Variants in AXDND1 observed in about 807,000 individuals in gnomAD.
AXDND1 encodes axonemal dynein light chain domain-containing protein 1.
A neutral mutation model predicts 137.5 loss-of-function variants in AXDND1; 110 were observed. That is an observed-to-expected ratio of 0.80 (90% CI 0.69 to 0.94). AXDND1 has a LOEUF of 0.94. Ranked by LOEUF, AXDND1 falls within the 40% of genes least tolerant of loss-of-function variation. AXDND1 has a pLI of 0.00. For synonymous variants in AXDND1, 414 were observed against 399.7 expected, an observed-to-expected ratio of 1.04 and a Z score of -0.43; for missense variants, 1,191 against 1,169.8, an observed-to-expected ratio of 1.02 and a Z score of -0.26.
intron 16 of AXDND1, among the ~76,000 whole-genome samples, chr1:179,467,391 G>A (rs569325767): frequency 5.9e-5 from 9 of 152,136 alleles, no homozygotes; most frequent in African/African-American, 9.6e-5. Context: ...TCAAGCAACC[G>A]TGGATCAAAA....
At chr1:179,381,102 A>C (rs1429968575) in intron 6 of AXDND1, among the ~76,000 whole-genome samples, 1 of 134,682 alleles carries the variant, frequency 7.4e-6, no homozygotes, top group Non-Finnish European at 1.5e-5. Context: ...GTGCAATGGC[A>C]TGATCTCGGC....
chr1:179,514,196 A>G (rs558899798), intron 21 of AXDND1, among the ~76,000 whole-genome samples: 1 of 152,174 alleles, frequency 6.6e-6, no homozygotes, highest in African/African-American at 2.4e-5. Flanking sequence ...TCTTTTTGAT[A>G]TAGGCATTTA....
At chr1:179,414,498 C>T (rs1446633632) in intron 12 of AXDND1, among the ~76,000 whole-genome samples, 1 of 152,040 alleles carries the variant, frequency 6.6e-6, no homozygotes, top group East Asian at 1.9e-4. Context: ...GATCTCGGCT[C>T]ACTGCAGGCT....
chr1:179,527,604 A>G (rs1049951305), intron 22 of AXDND1, among the ~76,000 whole-genome samples: 2 of 152,146 alleles, frequency 1.3e-5, no homozygotes, highest in African/African-American at 4.8e-5. Context: ...AATAAAGTAC[A>G]CTATTCTTAG....
rs764614976 is a variant in AXDND1, at chr1:179,491,731, T to C, written c.2285T>C (p.Leu762Ser). ...TRKLYQYSSYLSSCCKGMVTA... is the reference protein window; with the variant it reads ...TRKLYQYSSYSSSCCKGMVTA... ...AAGTTGTACCAATACTCCAGCTATTTGAGCAGGTGAAGCGGTTATTTTATT... is the reference window on the plus strand; with the variant it reads ...AAGTTGTACCAATACTCCAGCTATTCGAGCAGGTGAAGCGGTTATTTTATT... The change falls in exon 19 of 26, where the codon TTG becomes TCG. Residue 762 changes from leucine to serine, a missense_variant. Coordinates refer to ENST00000367618, the MANE Select transcript of AXDND1 (RefSeq NM_144696.6). The C allele has an allele frequency of 2.6e-6, 4 of 1,557,110 alleles. No homozygotes were observed. In the East Asian group the frequency reaches 9.2e-5, roughly 36 times the overall value.
chr1:179,554,630 T>C lies in AXDND1; in HGVS notation c.*111T>C. The stretch of plus-strand genomic sequence containing the variant: ...ATTGTTCTGTACTAAGGAACAACAT[T>C]CCCTTTGAAAGGACATTATTTGCCT... On this transcript the variant is annotated 3_prime_UTR_variant, in exon 26 of 26. Coordinates refer to ENST00000367618, the MANE Select transcript of AXDND1 (RefSeq NM_144696.6). The C allele has an allele frequency of 6.6e-7, 1 of 1,518,430 alleles. No homozygotes were observed. Among genetic ancestry groups the C allele is most frequent in the Non-Finnish European group, 9.1e-7 (1 of 1,094,424 alleles). 94.1% of individuals were successfully genotyped at this position (1,518,430 alleles called of 1,614,324 possible).
intron 25 of AXDND1, 192 bp downstream of exon 25, chr1:179,535,154 G>A: frequency 4.0e-6 from 3 of 742,310 alleles, no homozygotes; most frequent in East Asian, 3.1e-5. Flanking sequence ...AAAACCAAAT[G>A]AATAACAATT....
intron 16 of AXDND1, among the ~76,000 whole-genome samples, chr1:179,457,567 C>T (rs529591304): frequency 2.9e-4 from 44 of 152,256 alleles, no homozygotes; most frequent in Admixed American, 6.5e-4. Context: ...TTAAATCTCA[C>T]AAGACATTAT....
chr1:179,502,821 C>T (rs1403568434), intron 20 of AXDND1, among the ~76,000 whole-genome samples: 1 of 150,860 alleles, frequency 6.6e-6, no homozygotes, highest in Non-Finnish European at 1.5e-5. Flanking sequence ...TCTGGCCAGG[C>T]GTGGTGGCTC....
In AXDND1 at chr1:179,479,008, G is replaced by A. The variant is rs140372302; in HGVS notation, c.1998-4120G>A. On this transcript the variant is annotated intron_variant, in intron 17 of 25. Coordinates refer to ENST00000367618, the MANE Select transcript of AXDND1 (RefSeq NM_144696.6). ...CCAGCTACTCAGGAGGCCAAGACAGGAGAATCGCTTGAACCTGGGAGGTAG... is the reference window on the plus strand; with the variant it reads ...CCAGCTACTCAGGAGGCCAAGACAGAAGAATCGCTTGAACCTGGGAGGTAG... Among the ~76,000 whole-genome samples, 168 of 152,192 alleles carry A rather than the reference G, an allele frequency of 1.1e-3. 1 individual carries two copies. The East Asian group carries it at 0.031, about 28-fold the overall frequency.
chr1:179,403,655 C>G (rs1017441256), intron 11 of AXDND1, among the ~76,000 whole-genome samples: 30 of 152,150 alleles, frequency 2.0e-4, no homozygotes, highest in African/African-American at 7.2e-4. Flanking sequence ...CTCACTGCAG[C>G]CTCCGCCTCC....
At chr1:179,440,325 A>G (rs1408108975) in intron 15 of AXDND1, among the ~76,000 whole-genome samples, 3 of 152,378 alleles carry the variant, frequency 2.0e-5, no homozygotes, top group Non-Finnish European at 2.9e-5. Flanking sequence ...GATGACAGAC[A>G]ATGTCACTGT....
chr1:179,402,717 C>T (rs1272268619), intron 11 of AXDND1, among the ~76,000 whole-genome samples: 1 of 151,952 alleles, frequency 6.6e-6, no homozygotes, highest in East Asian at 1.9e-4. Context: ...AGAACTACAC[C>T]TTCCCTTCCT....
intron 25 of AXDND1, among the ~76,000 whole-genome samples, chr1:179,553,607 A>G (rs1335393157): frequency 6.6e-6 from 1 of 152,238 alleles, no homozygotes; most frequent in Non-Finnish European, 1.5e-5. Flanking sequence ...TAAGGAGTAC[A>G]TGGGGGATTC....
At chr1:179,413,442 CT>C (rs1389377144) in intron 12 of AXDND1, among the ~76,000 whole-genome samples, 6 of 152,156 alleles carry the variant, frequency 3.9e-5, no homozygotes, top group Non-Finnish European at 7.3e-5. Context: ...TATTTTCGTC[CT>C]TGTGTCCATG....
intron 21 of AXDND1, among the ~76,000 whole-genome samples, chr1:179,511,756 T>G (rs1669082765): frequency 6.6e-6 from 1 of 152,196 alleles, no homozygotes; most frequent in Non-Finnish European, 1.5e-5. Flanking sequence ...ATGGCCATTC[T>G]TGCAGGAGTA....
At position 179,430,441 on chromosome 1, in the gene AXDND1, A is replaced by G; in HGVS notation, c.1333-11A>G. Reference sequence around the variant, plus strand: ...ATGAATATATTATTTGATTCTATGCATTTTATATAGGACACTGAAGACCTT... The same window carrying G: ...ATGAATATATTATTTGATTCTATGCGTTTTATATAGGACACTGAAGACCTT... On this transcript the variant is annotated splice_polypyrimidine_tract_variant and intron_variant, in intron 13 of 25. Transcript: ENST00000367618. The G allele has an allele frequency of 6.3e-7, 1 of 1,590,004 alleles. No homozygotes were observed. Among genetic ancestry groups the G allele is most frequent in the Non-Finnish European group, 8.5e-7 (1 of 1,170,476 alleles).
chr1:179,545,730 C>T (rs565249167), intron 25 of AXDND1: 1 of 152,346 alleles, frequency 6.6e-6, no homozygotes, highest in African/African-American at 2.4e-5. Flanking sequence ...CATCCCTGAA[C>T]ATGAGCCTTG....
intron 11 of AXDND1, among the ~76,000 whole-genome samples, chr1:179,397,666 C>G (rs1037548012): frequency 1.3e-5 from 2 of 152,152 alleles, no homozygotes; most frequent in African/African-American, 4.8e-5. Flanking sequence ...CACATTTCTC[C>G]AAGGTTTTGT....
Sources: gnomAD v4.1 joint callset for allele counts (sites outside exome capture counted in the v4.1 genomes callset) on GRCh38, gnomAD v4.1.1 for gene constraint, MANE v1.5 for transcripts, NCBI Gene and HGNC (gene_info 2026-07-23, HGNC 2026-07-21) for gene names.